The following GRID2 variants were observed in gnomAD, a reference collection of about 807,000 sequenced individuals.
The protein encoded by GRID2 is glutamate receptor ionotropic, delta-2.
In GRID2, 33 loss-of-function variants were observed where a neutral mutation model predicts 114.8. The ratio of observed to expected loss-of-function variants is 0.29; its 90% CI spans 0.22 to 0.38. The LOEUF (loss-of-function observed/expected upper bound fraction) is 0.38, where lower values mean the gene tolerates loss of function less well. GRID2 is among the 10% of genes least tolerant of loss of function. The pLI, the probability that GRID2 is intolerant of heterozygous loss-of-function variation, is 1.00. For missense variants in GRID2, 1,184 were observed against 1,257.7 expected (o/e 0.94, Z 0.89); for synonymous variants, 505 against 449.9 (o/e 1.12, Z -1.55).
intron 1 of GRID2, among the ~76,000 whole-genome samples, chr4:92,320,124 T>C (rs1362395803): frequency 1.3e-5 from 2 of 152,120 alleles, no homozygotes; most frequent in Non-Finnish European, 2.9e-5. Flanking sequence ...GAGTTCAGTT[T>C]TGAACTCAAA....
chr4:93,781,852 A>T (rs1734486942), intron 1 of GRID2, among the ~76,000 whole-genome samples: 1 of 152,158 alleles, frequency 6.6e-6, no homozygotes, highest in Admixed American at 6.5e-5. Flanking sequence ...AAACCCACAG[A>T]TCCAGAGGTC....
rs182356857 is a variant in GRID2 at position 92,587,032 on chromosome 4, T to C, written c.89-3099T>C. ...TTCAGGAGGTGTTCCTTTCCTGCTT[T>C]ATTGATTGGTTATTCTTCCCTTCAG... is the stretch of plus-strand genomic sequence containing the variant. On this transcript the variant is annotated intron_variant, in intron 1 of 15. Coordinates refer to ENST00000282020, the MANE Select transcript of GRID2 (RefSeq NM_001510.4). Among the ~76,000 whole-genome samples, 1,011 of 151,830 alleles carry C rather than the reference T, an allele frequency of 6.7e-3. 3 individuals are homozygous for C. The highest frequency in any genetic ancestry group is 0.02 in the Middle Eastern group (6 of 294).
chr4:92,874,706 C>A (rs909168363), intron 2 of GRID2, among the ~76,000 whole-genome samples: 1 of 152,112 alleles, frequency 6.6e-6, no homozygotes, highest in African/African-American at 2.4e-5. Flanking sequence ...AGACACCAGA[C>A]CCATTTAATG....
At chr4:92,952,733 T>C (rs542122023) in intron 2 of GRID2, among the ~76,000 whole-genome samples, 2 of 152,340 alleles carry the variant, frequency 1.3e-5, no homozygotes, top group South Asian at 4.1e-4. Context: ...GGAATTCCCA[T>C]GTTTCAGGCT....
chr4:92,759,121 TG>T (rs914676491), intron 2 of GRID2, among the ~76,000 whole-genome samples: 1 of 152,194 alleles, frequency 6.6e-6, no homozygotes, highest in Non-Finnish European at 1.5e-5. Flanking sequence ...ATGGAATTTT[TG>T]GGAAAGGTCA....
intron 13 of GRID2, among the ~76,000 whole-genome samples, chr4:93,557,065 C>A (rs1734394016): frequency 6.6e-6 from 1 of 152,116 alleles, no homozygotes; most frequent in Non-Finnish European, 1.5e-5. Context: ...ACAGCCAGGC[C>A]TGCCTTACAA....
At chr4:93,092,530 T>C (rs766301497) in intron 3 of GRID2, among the ~76,000 whole-genome samples, 1 of 152,030 alleles carries the variant, frequency 6.6e-6, no homozygotes, top group Non-Finnish European at 1.5e-5. Context: ...GTAACAGAAG[T>C]TATTTGCTTT....
At chr4:93,784,363 C>T (rs1057515042) in intron 1 of GRID2, among the ~76,000 whole-genome samples, 5 of 151,994 alleles carry the variant, frequency 3.3e-5, no homozygotes, top group African/African-American at 1.2e-4. Context: ...AATGACCAAG[C>T]GCCTCAGCTG....
intron 13 of GRID2, among the ~76,000 whole-genome samples, chr4:93,606,572 T>A (rs1277113387): frequency 1.3e-5 from 2 of 152,206 alleles, no homozygotes; most frequent in Non-Finnish European, 2.9e-5. Flanking sequence ...TGCACATACC[T>A]ATTAACAGTG....
intron 4 of GRID2, among the ~76,000 whole-genome samples, chr4:93,155,664 G>A (rs553106573): frequency 6.6e-5 from 10 of 151,966 alleles, no homozygotes; most frequent in Admixed American, 2.6e-4. Flanking sequence ...AGACACTGGA[G>A]ATACATGTAC....
intron 13 of GRID2, among the ~76,000 whole-genome samples, chr4:93,536,723 T>G (rs1239369966): frequency 6.6e-6 from 1 of 151,442 alleles, no homozygotes; most frequent in Non-Finnish European, 1.5e-5. Flanking sequence ...CTTTGACTTG[T>G]GTTTTTAATG....
chr4:92,379,906 T>C (rs1176941760), intron 1 of GRID2, among the ~76,000 whole-genome samples: 4 of 152,030 alleles, frequency 2.6e-5, no homozygotes, highest in African/African-American at 9.7e-5. Flanking sequence ...GCCATTCCTG[T>C]GGTATAGCTG....
At position 92,439,962 on chromosome 4, in the gene GRID2, A is replaced by G. The variant is rs959593903; in HGVS notation, c.88+135218A>G. Among the ~76,000 whole-genome samples, 11 of 145,722 alleles carry G rather than the reference A, an allele frequency of 7.5e-5. 3 individuals carry two copies. Among genetic ancestry groups the G allele is most frequent in the Non-Finnish European group, 1.7e-4 (11 of 64,454 alleles). On this transcript the variant is annotated intron_variant, in intron 1 of 15. Transcript: ENST00000282020. ...ATAGGAGTATGACTAGACAGAAGAT[A>G]GTAGGGATGACAAGTTTTTTGGGGG...
intron 3 of GRID2, among the ~76,000 whole-genome samples, chr4:93,105,801 T>C (rs1732166807): frequency 6.6e-6 from 1 of 152,184 alleles, no homozygotes; most frequent in African/African-American, 2.4e-5. Flanking sequence ...CCTCTTCCAA[T>C]TTTAAAGACT....
intron 2 of GRID2, among the ~76,000 whole-genome samples, chr4:93,038,781 ACT>A (rs1480404180): frequency 1.3e-5 from 2 of 150,846 alleles, no homozygotes; most frequent in Non-Finnish European, 3.0e-5. Flanking sequence ...ACAGAGTGAG[ACT>A]CTGTCTCAAA....
intron 4 of GRID2, among the ~76,000 whole-genome samples, chr4:93,154,725 C>T (rs1416398882): frequency 7.3e-5 from 11 of 151,512 alleles, no homozygotes; most frequent in Non-Finnish European, 1.5e-4. Flanking sequence ...TATCTTCTCT[C>T]TGTATTCGTG....
intron 2 of GRID2, among the ~76,000 whole-genome samples, chr4:92,919,348 T>C (rs1190818995): frequency 2.6e-5 from 4 of 152,150 alleles, no homozygotes; most frequent in Non-Finnish European, 5.9e-5. Flanking sequence ...GTGTCTCTAT[T>C]TCCTTCAGTT....
chr4:92,677,452 C>T (rs537304346), intron 2 of GRID2, among the ~76,000 whole-genome samples: 20 of 152,164 alleles, frequency 1.3e-4, no homozygotes, highest in African/African-American at 4.3e-4. Context: ...AGAAAATGAC[C>T]CTGTGTCTAT....
At chr4:92,399,193 C>T (rs1241260910) in intron 1 of GRID2, among the ~76,000 whole-genome samples, 1 of 152,116 alleles carries the variant, frequency 6.6e-6, no homozygotes, top group East Asian at 1.9e-4. Flanking sequence ...CTGCATCCTA[C>T]CGTAATACAG....
Sources: allele counts gnomAD v4.1 joint callset (sites outside exome capture counted in the v4.1 genomes callset), GRCh38; gene constraint gnomAD v4.1.1; transcripts MANE v1.5; gene names NCBI Gene and HGNC (gene_info 2026-07-23, HGNC 2026-07-21).